Variants in ETV1 observed in about 807,000 individuals in gnomAD.
ETV1 encodes the protein ETS translocation variant 1.
A neutral mutation model predicts 62.3 loss-of-function variants in ETV1; 27 were observed. That is an observed-to-expected ratio of 0.43 (90% confidence interval 0.32 to 0.60). ETV1 has a LOEUF of 0.60. Ranked by LOEUF, ETV1 falls within the 20% of genes least tolerant of loss-of-function variation. The pLI, the probability that ETV1 is intolerant of heterozygous loss-of-function variation, is 0.06. For missense variants in ETV1, 605 were observed against 605.8 expected (o/e 1.00, Z 0.01); for synonymous variants, 222 against 199.6 (o/e 1.11, Z -0.94).
chr7:13,970,260 C>CAAAAA (rs1226819391), intron 6 of ETV1, among the ~76,000 whole-genome samples: 19 of 113,342 alleles, frequency 1.7e-4, no homozygotes, highest in African/African-American at 6.9e-4. Context: ...GACCCCATCT[C>CAAAAA]AAAACACACA....
chr7:13,893,257 A>T lies in ETV1; in HGVS notation c.*2609T>A, dbSNP rs1476686785. The T allele has an allele frequency of 4.3e-6, 1 of 232,374 alleles. No homozygotes were observed. The highest frequency in any genetic ancestry group is 2.2e-5 in the African/African-American group (1 of 45,334). The allele number at this position is 232,374 out of a possible 1,614,324, so 14.4% of individuals were successfully genotyped here. A position where few individuals can be genotyped will look rare whatever the true frequency, so the allele number is the denominator to read the frequency against. ...AGTAGCCAATTCAATGAGAAATTCA[A>T]AACACAAGAATCTTGCAGAAATCAG... On this transcript the variant is annotated 3_prime_UTR_variant, in exon 14 of 14. Coordinates refer to ENST00000430479, the MANE Select transcript of ETV1 (RefSeq NM_004956.5).
At chr7:13,973,954 C>T (rs1781152976) in intron 6 of ETV1, among the ~76,000 whole-genome samples, 1 of 152,126 alleles carries the variant, frequency 6.6e-6, no homozygotes, top group Admixed American at 6.5e-5. Flanking sequence ...ATCATGAATG[C>T]AATGATAATT....
chr7:13,933,038 C>G (rs1384738161), intron 8 of ETV1, among the ~76,000 whole-genome samples: 1 of 152,154 alleles, frequency 6.6e-6, no homozygotes, highest in Non-Finnish European at 1.5e-5. Flanking sequence ...CTGACTGGCA[C>G]TGCATTCATT....
intron 6 of ETV1, among the ~76,000 whole-genome samples, chr7:13,940,817 TC>T (rs1787417362): frequency 6.6e-6 from 1 of 152,200 alleles, no homozygotes; most frequent in African/African-American, 2.4e-5. Flanking sequence ...CTACCAAGCT[TC>T]AGGAAAACAA....
intron 6 of ETV1, among the ~76,000 whole-genome samples, chr7:13,939,690 T>C (rs1192693556): frequency 2.0e-5 from 3 of 152,196 alleles, no homozygotes; most frequent in African/African-American, 7.2e-5. Context: ...AATAATAGTT[T>C]AATGAAATGA....
intron 6 of ETV1, among the ~76,000 whole-genome samples, chr7:13,963,296 T>G (rs140545657): frequency 1.0e-3 from 153 of 152,238 alleles, no homozygotes; most frequent in African/African-American, 3.6e-3. Flanking sequence ...TTTTTCGTTA[T>G]GAAAAAAAGC....
intron 5 of ETV1, among the ~76,000 whole-genome samples, chr7:13,983,970 T>C (rs1229557418): frequency 6.6e-6 from 1 of 151,844 alleles, no homozygotes; most frequent in Admixed American, 6.6e-5. Context: ...TACCCATGAC[T>C]AATCCATATG....
rs1781678528 is a variant in ETV1 at position 13,895,454 on chromosome 7, A to G, written c.*412T>C. The G allele has an allele frequency of 4.1e-6, 1 of 243,712 alleles. No homozygotes were observed. Among genetic ancestry groups the G allele is most frequent in the African/African-American group, 2.2e-5 (1 of 45,548 alleles). The allele number at this position is 243,712 out of a possible 1,614,324, so 15.1% of individuals were successfully genotyped here. A position where few individuals can be genotyped will look rare whatever the true frequency, so the allele number is the denominator to read the frequency against. The stretch of plus-strand genomic sequence containing the variant: ...AAATGCCCAAGGCAAATAGTCTCCA[A>G]GTGGATATTTACACAACGTGAAATT... On this transcript the variant is annotated 3_prime_UTR_variant, in exon 14 of 14. Coordinates refer to ENST00000430479, the MANE Select transcript of ETV1 (RefSeq NM_004956.5).
chr7:13,975,982 C>A (rs62454620), intron 6 of ETV1, among the ~76,000 whole-genome samples: 3,824 of 152,232 alleles, frequency 0.025, 115 homozygotes, highest in East Asian at 0.16. Context: ...GAAATGTTGG[C>A]AATATGACAT....
At chr7:13,909,047 C>T (rs1007026379) in intron 11 of ETV1, among the ~76,000 whole-genome samples, 10 of 150,558 alleles carry the variant, frequency 6.6e-5, no homozygotes, top group African/African-American at 2.4e-4. Flanking sequence ...ATTGCAATAG[C>T]AAGTGATATT....
At chr7:13,918,745 G>A (rs1287521610) in intron 9 of ETV1, among the ~76,000 whole-genome samples, 7 of 151,320 alleles carry the variant, frequency 4.6e-5, no homozygotes, top group Non-Finnish European at 7.4e-5. Flanking sequence ...GACGGGGGAG[G>A]GATAGCATTG....
chr7:13,979,616 C>G (rs1173840591), intron 5 of ETV1, among the ~76,000 whole-genome samples: 2 of 152,066 alleles, frequency 1.3e-5, no homozygotes, highest in South Asian at 2.1e-4. Flanking sequence ...CCCATTATAT[C>G]ATTGTTTTGG....
chr7:13,922,254 T>C (rs924144451), intron 9 of ETV1, among the ~76,000 whole-genome samples: 3 of 152,144 alleles, frequency 2.0e-5, no homozygotes, highest in Admixed American at 2.0e-4. Context: ...ACTGTTGTGG[T>C]TGCTGAGAAG....
intron 12 of ETV1, among the ~76,000 whole-genome samples, chr7:13,902,716 G>T (rs2299096): frequency 0.33 from 50,019 of 151,742 alleles, 8,784 homozygotes; most frequent in African/African-American, 0.44. Flanking sequence ...CATTTATAAA[G>T]GATTATTTTC....
rs577020512 is a variant in ETV1 at position 13,903,485 on chromosome 7, G to A, written c.1111-2646C>T. On this transcript the variant is annotated intron_variant, in intron 12 of 13. Transcript: ENST00000430479. ...CTATGTTAATAATTGTTTCCCGGCC[G>A]GGCACAGTGGCTCACACCTGTAATC... is the stretch of plus-strand genomic sequence containing the variant. Among the ~76,000 whole-genome samples the A allele has an allele frequency of 5.9e-5, 9 of 151,934 alleles. No homozygotes were observed. The East Asian group carries it at 9.7e-4, about 16-fold the overall frequency.
Position 13,909,668 on chromosome 7 carries a change from A to T in ETV1, c.904T>A (p.Tyr302Asn). The stretch of plus-strand genomic sequence containing the variant: ...TCTGGGACAACACAGGTGTCATCAT[A>T]AAACTGCCTGGGGCCCTTTTCAAAC... ...CMFEKGPRQF[Y>N]DDTCVVPEKF... Residue 302 changes from tyrosine (Y) to asparagine (N), a missense_variant, in exon 11 of 14, where the codon TAT becomes AAT. Coordinates refer to ENST00000430479, the MANE Select transcript of ETV1 (RefSeq NM_004956.5). 3.1e-6 allele frequency: 5 copies of T among 1,613,598 alleles called. No individual in the cohort carries two copies. Among genetic ancestry groups the T allele is most frequent in the Non-Finnish European group, 4.2e-6 (5 of 1,179,598 alleles).
chr7:13,895,869 A>G lies in ETV1; in HGVS notation c.1431T>C (p.Tyr477=), dbSNP rs1213250048. Residue 477 remains tyrosine, a synonymous_variant, in exon 14 of 14, where the codon TAT becomes TAC. Transcript: ENST00000430479. ...CCCTGCTTGACTGTCACTTGTGTTAATACACGTAGCCTTCGTTGTAGGGGT... is the reference window on the plus strand; with the variant it reads ...CCCTGCTTGACTGTCACTTGTGTTAGTACACGTAGCCTTCGTTGTAGGGGT... ...NPHPYNEGYV[Y] is the part of the protein sequence containing the mutation. 3 of 1,612,330 alleles carry G rather than the reference A, an allele frequency of 1.9e-6. No individual in the cohort carries two copies. Among genetic ancestry groups the G allele is most frequent in the East Asian group, 2.2e-5 (1 of 44,886 alleles).
At position 13,895,001 on chromosome 7, in the gene ETV1, A is replaced by AT. The variant is rs1781641463; in HGVS notation, c.*864dup. The AT allele has an allele frequency of 2.1e-5, 5 of 233,242 alleles. No individual in the cohort carries two copies. In the East Asian group the frequency reaches 3.0e-4, roughly 14 times the overall value. The allele number at this position is 233,242 out of a possible 1,614,324, so 14.4% of individuals were successfully genotyped here. A position where few individuals can be genotyped will look rare whatever the true frequency, so the allele number is the denominator to read the frequency against. On this transcript the variant is annotated 3_prime_UTR_variant, in exon 14 of 14. Coordinates refer to ENST00000430479, the MANE Select transcript of ETV1 (RefSeq NM_004956.5). ...TGAAGAAAGTGAAAAGGAGACAGAT[A>AT]TTTTTTGCTTCATTTTGATTCCAGA...
chr7:13,973,932 A>C lies in ETV1; in HGVS notation c.235+3495T>G, dbSNP rs142527532. Among the ~76,000 whole-genome samples, 5 of 152,326 alleles carry C rather than the reference A, an allele frequency of 3.3e-5. No homozygotes were observed. In the East Asian group the frequency reaches 9.6e-4, roughly 29 times the overall value. On this transcript the variant is annotated intron_variant, in intron 6 of 13. Coordinates refer to ENST00000430479, the MANE Select transcript of ETV1 (RefSeq NM_004956.5). ...TGAAGATGCTTAGGAGGAAATAAGC[A>C]CTAAGAAGGTGATCATGAATGCAAT...
Sources: gnomAD v4.1 joint callset for allele counts (sites outside exome capture counted in the v4.1 genomes callset) on GRCh38, gnomAD v4.1.1 for gene constraint, MANE v1.5 for transcripts, NCBI Gene and HGNC (gene_info 2026-07-23, HGNC 2026-07-21) for gene names.